FBXL5: variants seen among roughly 807,000 people sequenced by gnomAD.
The protein encoded by FBXL5 is F-box/LRR-repeat protein 5.
A neutral mutation model predicts 78.3 loss-of-function variants in FBXL5; 26 were observed. The observed-to-expected ratio is 0.33, with a 90% CI of 0.24 to 0.46. The LOEUF (loss-of-function observed/expected upper bound fraction) is 0.46, where lower values mean the gene tolerates loss of function less well. Ranked by LOEUF, FBXL5 falls within the 20% of genes least tolerant of loss-of-function variation. The pLI is 1.00. For synonymous variants in FBXL5, 295 were observed against 282.5 expected (o/e 1.04, Z -0.45); for missense variants, 710 against 829.2 (o/e 0.86, Z 1.77).
At chr4:15,670,895 C>A (rs1717735839) in intron 1 of FBXL5, among the ~76,000 whole-genome samples, 1 of 136,620 alleles carries the variant, frequency 7.3e-6, no homozygotes, top group Non-Finnish European at 1.6e-5. Context: ...ATTTCAAAGA[C>A]ATTTTCTCTG....
chr4:15,626,936 A>C lies in FBXL5; in HGVS notation c.1061T>G (p.Leu354Arg). The change falls in exon 8 of 11, where the codon CTT (leucine) becomes CGT (arginine). Residue 354 changes from leucine (L) to arginine (R), a missense_variant. Leu to Arg is a moderately radical substitution (Grantham distance 102). Around this residue, in one of 4 missense-constraint regions of FBXL5, gnomAD observed 517 missense variants for 542.9 expected, o/e 0.95. Transcript: ENST00000341285. ...SSKMVRQILE[L>R]CPNLEHLDLT... Reference sequence around the variant, plus strand: ...ATCCAGATGCTCCAGGTTAGGACAAAGCTCTAAAATCTGCCTAACCTAAAA... The same window carrying C: ...ATCCAGATGCTCCAGGTTAGGACAACGCTCTAAAATCTGCCTAACCTAAAA... The C allele has an allele frequency of 6.2e-7, 1 of 1,610,776 alleles. No homozygotes were observed. The highest frequency in any genetic ancestry group is 8.5e-7 in the Non-Finnish European group (1 of 1,178,420).
chr4:15,613,722 C>T (rs1393523339), intron 9 of FBXL5, among the ~76,000 whole-genome samples: 1 of 151,974 alleles, frequency 6.6e-6, no homozygotes, highest in African/African-American at 2.4e-5. Flanking sequence ...ATTCTATTGT[C>T]AAGACTTTCC....
chr4:15,623,589 A>G (rs1712699130), intron 9 of FBXL5, among the ~76,000 whole-genome samples: 1 of 152,240 alleles, frequency 6.6e-6, no homozygotes, highest in Non-Finnish European at 1.5e-5. Flanking sequence ...AGTTGCATTC[A>G]AAAACAAAAT....
At chr4:15,610,062 C>G (rs1017577842) in intron 10 of FBXL5, among the ~76,000 whole-genome samples, 1 of 151,954 alleles carries the variant, frequency 6.6e-6, no homozygotes, top group Non-Finnish European at 1.5e-5. Context: ...TACACTTCTC[C>G]ATTGCTCTAA....
At position 15,625,563 on chromosome 4, in the gene FBXL5, A is replaced by G. The variant is rs775658769; in HGVS notation, c.1539T>C (p.Phe513=). The G allele has an allele frequency of 8.1e-6, 13 of 1,614,084 alleles. No homozygotes were observed. Among genetic ancestry groups the G allele is most frequent in the South Asian group, 1.1e-5 (1 of 91,084 alleles). Residue 513 remains phenylalanine (F), a synonymous_variant, in exon 9 of 11, where the codon TTT becomes TTC. Transcript: ENST00000341285. ...TAAAACAACCAGAGGTGGAACAACT[A>G]AAGTTGGATGCTGTTTCCATTACAC... is the stretch of plus-strand genomic sequence containing the variant. ...SLCVMETASN[F]SCSTSGCFSK...
chr4:15,646,502 A>C (rs1000969311), intron 1 of FBXL5, among the ~76,000 whole-genome samples: 2 of 151,580 alleles, frequency 1.3e-5, no homozygotes, highest in African/African-American at 4.8e-5. Context: ...CCTTAGTAGA[A>C]GCAGGGTACA....
chr4:15,639,737 G>A (rs1013321914), intron 3 of FBXL5, among the ~76,000 whole-genome samples: 1 of 152,098 alleles, frequency 6.6e-6, no homozygotes, highest in African/African-American at 2.4e-5. Flanking sequence ...AAAATACCCA[G>A]GTCAATGCAT....
chr4:15,668,028 C>T (rs576024262), intron 1 of FBXL5, among the ~76,000 whole-genome samples: 3 of 138,612 alleles, frequency 2.2e-5, no homozygotes, highest in East Asian at 2.0e-4. Flanking sequence ...GCAACAAGAG[C>T]AAAACTCTAT....
chr4:15,675,387 A>G lies in FBXL5; in HGVS notation c.-284+5996T>C, dbSNP rs538553300. 2.0e-5 allele frequency among the ~76,000 whole-genome samples: 3 copies of G among 152,300 alleles called. No homozygotes were observed. In the East Asian group the frequency reaches 5.8e-4, roughly 29 times the overall value. On this transcript the variant is annotated intron_variant, in intron 1 of 4. Transcript: ENST00000507899. ...CTAAATGACCAACTACTACTATAGT[A>G]TATAAAGATTTTCTTGCATTGTTCC...
intron 1 of FBXL5, among the ~76,000 whole-genome samples, chr4:15,651,289 A>G (rs1267969290): frequency 6.6e-6 from 1 of 152,226 alleles, no homozygotes; most frequent in Non-Finnish European, 1.5e-5. Flanking sequence ...TGCAAAACCC[A>G]TGGGCTTCCG....
At chr4:15,624,085 A>G (rs1712763193) in intron 9 of FBXL5, among the ~76,000 whole-genome samples, 1 of 152,026 alleles carries the variant, frequency 6.6e-6, no homozygotes, top group Admixed American at 6.5e-5. Flanking sequence ...TGGCCTCCCA[A>G]AGTGCTGGGA....
At chr4:15,614,710 G>A (rs1711595754) in intron 9 of FBXL5, among the ~76,000 whole-genome samples, 2 of 152,152 alleles carry the variant, frequency 1.3e-5, no homozygotes, top group African/African-American at 4.8e-5. Context: ...TATGGGTGGA[G>A]TTATGTTCCC....
At chr4:15,677,742 CAA>C (rs1718047828) in intron 1 of FBXL5, among the ~76,000 whole-genome samples, 1 of 152,140 alleles carries the variant, frequency 6.6e-6, no homozygotes, top group African/African-American at 2.4e-5. Context: ...ATCCTTTACA[CAA>C]AAATTGTAGT....
chr4:15,626,772 A>G (rs1451226119), intron 8 of FBXL5, 101 bp downstream of exon 8: 6 of 833,318 alleles, frequency 7.2e-6, no homozygotes, highest in Admixed American at 5.2e-5. Context: ...CATGACTGAG[A>G]TTTGATAGTA....
chr4:15,609,973 T>A (rs1722139488), intron 10 of FBXL5, among the ~76,000 whole-genome samples: 1 of 152,144 alleles, frequency 6.6e-6, no homozygotes, highest in African/African-American at 2.4e-5. Context: ...GATAGTTAAC[T>A]ATATATGTTT....
chr4:15,652,812 G>C (rs1716276912), intron 1 of FBXL5, among the ~76,000 whole-genome samples: 1 of 152,140 alleles, frequency 6.6e-6, no homozygotes, highest in Non-Finnish European at 1.5e-5. Context: ...AATTTGTACA[G>C]TGAAATAACT....
intron 10 of FBXL5, among the ~76,000 whole-genome samples, chr4:15,609,945 T>C (rs1268581708): frequency 6.6e-6 from 1 of 152,118 alleles, no homozygotes; most frequent in Non-Finnish European, 1.5e-5. Flanking sequence ...TATTAACTTC[T>C]TTTACATTTA....
At chr4:15,636,257 C>T (rs914129569) in intron 5 of FBXL5, 1 of 363,472 alleles carries the variant, frequency 2.8e-6, no homozygotes, top group African/African-American at 2.1e-5. Context: ...CTTTTTGCAT[C>T]CCCTCCCACA....
intron 2 of FBXL5, 59 bp from the exon 3 acceptor site, chr4:15,640,942 G>T (rs1714802220): frequency 6.7e-6 from 6 of 892,824 alleles, no homozygotes; most frequent in Non-Finnish European, 1.0e-5. Context: ...ATTATGTCTG[G>T]TCCCAGGAAG....
Sources: allele counts gnomAD v4.1 joint callset (sites outside exome capture counted in the v4.1 genomes callset), GRCh38; gene constraint gnomAD v4.1.1; regional missense constraint gnomAD v4.1.1; transcripts MANE v1.5; gene names NCBI Gene and HGNC (gene_info 2026-07-23, HGNC 2026-07-21).